Variants in TMPRSS15 observed in about 807,000 individuals in gnomAD.
TMPRSS15 encodes the protein transmembrane serine protease 15.
A neutral mutation model predicts 125.3 loss-of-function variants in TMPRSS15; 128 were observed. The observed-to-expected ratio is 1.02, with a 90% confidence interval of 0.89 to 1.18. The LOEUF is 1.18. Ranked by LOEUF, TMPRSS15 falls within the 50% of genes most tolerant of loss-of-function variation. The pLI is 0.00. For synonymous variants in TMPRSS15, 446 were observed against 423.2 expected, an observed-to-expected ratio of 1.05 and a Z score of -0.66; for missense variants, 1,283 against 1,212.7, an observed-to-expected ratio of 1.06 and a Z score of -0.86.
chr21:18,276,734 AAAAG>A (rs1229151780), intron 23 of TMPRSS15, among the ~76,000 whole-genome samples: 3 of 151,346 alleles, frequency 2.0e-5, no homozygotes, highest in African/African-American at 7.3e-5. Context: ...TAATATACTC[AAAAG>A]ATTGAAAACT....
At chr21:18,394,533 G>C (rs199500260) in intron 3 of TMPRSS15, among the ~76,000 whole-genome samples, 9 of 147,290 alleles carry the variant, frequency 6.1e-5, no homozygotes, top group Non-Finnish European at 7.5e-5. Context: ...CTCTCTCTCT[G>C]TCTCTCTCTC....
chr21:18,341,434 T>A lies in TMPRSS15; in HGVS notation c.1543A>T (p.Thr515Ser). Residue 515 changes from threonine (T) to serine (S), a missense_variant, in exon 13 of 25, where the codon ACT becomes TCT. Transcript: ENST00000284885. ...SLYPEPTLVP[T>S]PPPELPTDCG... ...TTACTAGGAAGTTCTGGTGGAGGAG[T>A]TGGCACCAAAGTTGGTTCTGGATAA... The A allele has an allele frequency of 6.2e-7, 1 of 1,614,068 alleles. No homozygotes were observed. The highest frequency in any genetic ancestry group is 8.5e-7 in the Non-Finnish European group (1 of 1,179,986).
rs540529659 is a variant in TMPRSS15 at position 18,373,017 on chromosome 21, G to A, written c.533-693C>T. Among the ~76,000 whole-genome samples the A allele has an allele frequency of 7.6e-4, 115 of 152,290 alleles. 1 individual carries two copies. The Middle Eastern group carries it at 0.017, about 23-fold the overall frequency. On this transcript the variant is annotated intron_variant, in intron 5 of 24. Coordinates refer to ENST00000284885, the MANE Select transcript of TMPRSS15 (RefSeq NM_002772.3). ...TTTTAAAAAAAATTTTTAGGCCAGT[G>A]TGGAAATTTGAATACTTCTGCCTCT...
chr21:18,396,404 A>C (rs907348536), intron 3 of TMPRSS15, among the ~76,000 whole-genome samples: 4 of 152,108 alleles, frequency 2.6e-5, no homozygotes, highest in African/African-American at 9.7e-5. Context: ...TTATTTTTCC[A>C]AGCCTCGGTG....
intron 1 of TMPRSS15, among the ~76,000 whole-genome samples, chr21:18,475,570 T>A (rs555603610): frequency 6.6e-6 from 1 of 152,288 alleles, no homozygotes; most frequent in East Asian, 1.9e-4. Context: ...CCAGCCTGGA[T>A]GACAGAGCAA....
chr21:18,418,800 G>A (rs1418003342), intron 1 of TMPRSS15, among the ~76,000 whole-genome samples: 1 of 152,134 alleles, frequency 6.6e-6, no homozygotes, highest in Non-Finnish European at 1.5e-5. Flanking sequence ...AAAAGAAATG[G>A]GCACCTCTTT....
chr21:18,326,596 A>G (rs772961927), intron 15 of TMPRSS15, 24 bp from the exon 16 acceptor site: 2 of 1,613,820 alleles, frequency 1.2e-6, no homozygotes, highest in Admixed American at 1.7e-5. Context: ...AAACGAGATA[A>G]TCAGTGAGAT....
chr21:18,309,830 G>A (rs903635823), intron 18 of TMPRSS15, among the ~76,000 whole-genome samples: 1 of 152,100 alleles, frequency 6.6e-6, no homozygotes, highest in Non-Finnish European at 1.5e-5. Context: ...CACTGTTGGT[G>A]GGAGCGTAAA....
chr21:18,361,211 C>A (rs936252338), intron 7 of TMPRSS15, among the ~76,000 whole-genome samples: 1 of 151,968 alleles, frequency 6.6e-6, no homozygotes, highest in Non-Finnish European at 1.5e-5. Context: ...CTTAGTGGAA[C>A]CTCTATTTAC....
At chr21:18,304,135 T>C (rs1230655928) in intron 18 of TMPRSS15, among the ~76,000 whole-genome samples, 1 of 152,116 alleles carries the variant, frequency 6.6e-6, no homozygotes, top group Non-Finnish European at 1.5e-5. Context: ...CCAGGGTTCG[T>C]GGGGGTCTGG....
At chr21:18,329,407 T>G (rs1254736033) in intron 14 of TMPRSS15, 113 bp from the exon 15 acceptor site, 13 of 1,120,796 alleles carry the variant, frequency 1.2e-5, no homozygotes, top group Non-Finnish European at 1.6e-5. Flanking sequence ...TTTTTTCCAC[T>G]TCATGAAAAT....
intron 1 of TMPRSS15, among the ~76,000 whole-genome samples, chr21:18,440,372 C>CAAAAAAAAAAAAAAAAAAA (rs539968323): frequency 1.1e-4 from 5 of 47,408 alleles, no homozygotes; most frequent in Admixed American, 3.1e-4. Context: ...AACTCCGTCT[C>CAAAAAAAAAAAAAAAAAAA]AAAAAAAAAA....
chr21:18,324,261 T>C (rs909890452), intron 16 of TMPRSS15, among the ~76,000 whole-genome samples: 13 of 152,226 alleles, frequency 8.5e-5, no homozygotes, highest in Non-Finnish European at 1.2e-4. Flanking sequence ...TGGTGTTTTT[T>C]CCTGCATGCC....
At chr21:18,349,778 C>T (rs2147000557) in intron 10 of TMPRSS15, among the ~76,000 whole-genome samples, 1 of 152,196 alleles carries the variant, frequency 6.6e-6, no homozygotes, top group South Asian at 2.1e-4. Flanking sequence ...CATTTCAGAC[C>T]CGACTATTTA....
chr21:18,409,604 A>C (rs1229425278), intron 1 of TMPRSS15, among the ~76,000 whole-genome samples: 1 of 151,964 alleles, frequency 6.6e-6, no homozygotes, highest in African/African-American at 2.4e-5. Flanking sequence ...CTAATTTACA[A>C]ATTTGTGTAA....
chr21:18,465,403 C>A (rs2122955452), intron 1 of TMPRSS15, among the ~76,000 whole-genome samples: 1 of 152,292 alleles, frequency 6.6e-6, no homozygotes, highest in East Asian at 1.9e-4. Context: ...GTTAGAAGTT[C>A]TTGCCAGGGA....
chr21:18,321,501 T>A (rs545302990), intron 16 of TMPRSS15, among the ~76,000 whole-genome samples: 1 of 151,828 alleles, frequency 6.6e-6, no homozygotes, highest in Admixed American at 6.6e-5. Flanking sequence ...TACAGGTGCC[T>A]GCCACCACGC....
intron 1 of TMPRSS15, among the ~76,000 whole-genome samples, chr21:18,459,379 T>G (rs1978506968): frequency 6.6e-6 from 1 of 152,082 alleles, no homozygotes; most frequent in South Asian, 2.1e-4. Flanking sequence ...GTTCAAGCGA[T>G]TCTCATGACT....
chr21:18,447,116 T>C (rs1324642138), intron 1 of TMPRSS15, among the ~76,000 whole-genome samples: 1 of 152,002 alleles, frequency 6.6e-6, no homozygotes, highest in Non-Finnish European at 1.5e-5. Context: ...AATTAAAATA[T>C]GGGCAGAATA....
Sources: gnomAD v4.1 joint callset for allele counts (sites outside exome capture counted in the v4.1 genomes callset) on GRCh38, gnomAD v4.1.1 for gene constraint, MANE v1.5 for transcripts, NCBI Gene and HGNC (gene_info 2026-07-23, HGNC 2026-07-21) for gene names.